PTPRD: variants seen among roughly 807,000 people sequenced by gnomAD.
The protein encoded by PTPRD is protein tyrosine phosphatase receptor type D, also known as receptor-type tyrosine-protein phosphatase delta.
PTPRD carries 34 observed loss-of-function variants against 214.5 expected under a neutral mutation model. That is an observed-to-expected ratio of 0.16 (90% CI 0.12 to 0.21). The LOEUF (loss-of-function observed/expected upper bound fraction) is 0.21, where lower values mean the gene tolerates loss of function less well. Among genes scored for constraint, PTPRD ranks in the 10% least tolerant of loss-of-function variants. The pLI is 1.00. For missense variants in PTPRD, 2,545 were observed against 2,398.7 expected (o/e 1.06, Z -1.27); for synonymous variants, 1,128 against 845.7 (o/e 1.33, Z -5.79).
At chr9:9,158,739 A>G (rs1235678591) in intron 10 of PTPRD, among the ~76,000 whole-genome samples, 1 of 152,238 alleles carries the variant, frequency 6.6e-6, no homozygotes, top group East Asian at 1.9e-4. Flanking sequence ...TATCAAAGTC[A>G]GAAAAAGATA....
chr9:9,553,143 C>A (rs192010911), intron 8 of PTPRD, among the ~76,000 whole-genome samples: 2 of 151,998 alleles, frequency 1.3e-5, no homozygotes, highest in Non-Finnish European at 2.9e-5. Flanking sequence ...TAGCTTACTG[C>A]AGTCGCCTGC....
chr9:8,400,734 T>C (rs1183797342), intron 36 of PTPRD, among the ~76,000 whole-genome samples: 1 of 152,170 alleles, frequency 6.6e-6, no homozygotes, highest in Admixed American at 6.5e-5. Context: ...TCTGTGTGAC[T>C]GTGTGACTCT....
chr9:8,536,688 G>C (rs943776885), intron 14 of PTPRD, among the ~76,000 whole-genome samples: 1 of 152,118 alleles, frequency 6.6e-6, no homozygotes, highest in East Asian at 1.9e-4. Context: ...GGCTGAGAAT[G>C]GCGGGCCTTC....
At chr9:8,705,964 A>C (rs7867247) in intron 12 of PTPRD, among the ~76,000 whole-genome samples, 61,863 of 151,978 alleles carry the variant, frequency 0.41, 14,029 homozygotes, top group Non-Finnish European at 0.51. Flanking sequence ...CACTGTATCC[A>C]TATGTGTAAA....
intron 5 of PTPRD, among the ~76,000 whole-genome samples, chr9:9,847,632 C>G (rs1406308957): frequency 2.0e-5 from 3 of 152,124 alleles, no homozygotes; most frequent in African/African-American, 7.2e-5. Context: ...GTACTCTCAA[C>G]CCATTATTCC....
At chr9:10,573,474 G>A (rs777881247) in intron 2 of PTPRD, among the ~76,000 whole-genome samples, 2 of 152,144 alleles carry the variant, frequency 1.3e-5, no homozygotes, top group Non-Finnish European at 2.9e-5. Context: ...ACAAGAAACA[G>A]TATTTGTATG....
chr9:9,433,395 G>A (rs1286157462), intron 8 of PTPRD, among the ~76,000 whole-genome samples: 1 of 152,060 alleles, frequency 6.6e-6, no homozygotes. Context: ...CATTTTTCAG[G>A]ACAATGTTTA....
chr9:9,622,562 C>T (rs1427768841), intron 7 of PTPRD, among the ~76,000 whole-genome samples: 1 of 152,212 alleles, frequency 6.6e-6, no homozygotes, highest in Non-Finnish European at 1.5e-5. Context: ...TGATACGCTG[C>T]ATTTCCCATG....
intron 12 of PTPRD, among the ~76,000 whole-genome samples, chr9:8,662,728 A>C (rs1037795896): frequency 6.6e-6 from 1 of 152,136 alleles, no homozygotes; most frequent in African/African-American, 2.4e-5. Context: ...TGGACCCTGT[A>C]AGCATCTGAA....
chr9:10,335,156 T>C (rs1193119464), intron 3 of PTPRD, among the ~76,000 whole-genome samples: 1 of 151,592 alleles, frequency 6.6e-6, no homozygotes, highest in Admixed American at 6.6e-5. Flanking sequence ...AAGAACAAAG[T>C]CCAGGACTGA....
chr9:9,416,791 A>C (rs2142203877), intron 8 of PTPRD, among the ~76,000 whole-genome samples: 1 of 152,338 alleles, frequency 6.6e-6, no homozygotes, highest in African/African-American at 2.4e-5. Context: ...TTTCAAAGTC[A>C]CATGGTGACT....
chr9:9,941,188 C>G (rs986214080), intron 4 of PTPRD, among the ~76,000 whole-genome samples: 1 of 152,164 alleles, frequency 6.6e-6, no homozygotes, highest in African/African-American at 2.4e-5. Context: ...ACAGGATGGA[C>G]AAGCTTGATT....
chr9:10,126,422 TATATACACAC>T (rs1263376554), intron 3 of PTPRD, among the ~76,000 whole-genome samples: 3 of 47,128 alleles, frequency 6.4e-5, no homozygotes, highest in African/African-American at 1.6e-4. Flanking sequence ...TACTGTTTTA[TATATACACAC>T]ACACACACAC....
Position 8,838,984 on chromosome 9 carries a change from AAAGT to A in PTPRD, c.-103-105042_-103-105039del, listed in dbSNP as rs528775895. On this transcript the variant is annotated intron_variant, in intron 11 of 45. Coordinates refer to ENST00000381196, the MANE Select transcript of PTPRD (RefSeq NM_002839.4). ...AGATCCTGTATGTTAAAAAATCATT[AAAGT>A]AAGACTCATAAATGTACCAAGACAT... 5.3e-4 allele frequency among the ~76,000 whole-genome samples: 80 copies of A among 152,304 alleles called. No individual in the cohort carries two copies. The South Asian group carries it at 0.016, about 30-fold the overall frequency.
intron 8 of PTPRD, among the ~76,000 whole-genome samples, chr9:9,574,044 G>A (rs1367342746): frequency 1.3e-5 from 2 of 151,596 alleles, no homozygotes; most frequent in Non-Finnish European, 3.0e-5. Context: ...TCTTTATTAT[G>A]TTTACTAATA....
chr9:9,521,196 C>T (rs2096962911), intron 8 of PTPRD, among the ~76,000 whole-genome samples: 1 of 152,064 alleles, frequency 6.6e-6, no homozygotes, highest in Non-Finnish European at 1.5e-5. Flanking sequence ...CACCCCTGAC[C>T]CCATGTGTGT....
rs574084126 is a variant in PTPRD at position 10,085,665 on chromosome 9, C to T, written c.-544-51875G>A. Among the ~76,000 whole-genome samples the T allele has an allele frequency of 7.9e-5, 12 of 151,790 alleles. No individual in the cohort carries two copies. The East Asian group carries it at 2.2e-3, about 27-fold the overall frequency. On this transcript the variant is annotated intron_variant, in intron 3 of 45. Coordinates refer to ENST00000381196, the MANE Select transcript of PTPRD (RefSeq NM_002839.4). ...GCCTGCCTGTGCATGCCTCCCATCA[C>T]CATCACACACATTCATAGACACATA...
At chr9:8,809,726 T>TA (rs1309621034) in intron 11 of PTPRD, among the ~76,000 whole-genome samples, 1 of 152,214 alleles carries the variant, frequency 6.6e-6, no homozygotes, top group Non-Finnish European at 1.5e-5. Context: ...ATCCAGCAGA[T>TA]ACAACACTGC....
At chr9:8,741,068 A>G (rs2154445257) in intron 11 of PTPRD, among the ~76,000 whole-genome samples, 1 of 152,332 alleles carries the variant, frequency 6.6e-6, no homozygotes, top group South Asian at 2.1e-4. Context: ...TCCCTGTAAG[A>G]TATCAAGTGG....
Sources: gnomAD v4.1 joint callset for allele counts (sites outside exome capture counted in the v4.1 genomes callset) on GRCh38, gnomAD v4.1.1 for gene constraint, MANE v1.5 for transcripts, NCBI Gene and HGNC (gene_info 2026-07-23, HGNC 2026-07-21) for gene names.